The following SLC12A6 variants were observed in gnomAD, a reference collection of about 807,000 sequenced individuals.
The protein encoded by SLC12A6 is solute carrier family 12 member 6.
SLC12A6 carries 66 observed loss-of-function variants against 135.3 expected under a neutral mutation model. That is an observed-to-expected ratio of 0.49 (90% confidence interval 0.40 to 0.60). The LOEUF is 0.60. Ranked by LOEUF, SLC12A6 falls within the 20% of genes least tolerant of loss-of-function variation. SLC12A6 has a pLI of 0.00. For synonymous variants in SLC12A6, 513 were observed against 508.8 expected, an observed-to-expected ratio of 1.01 and a Z score of -0.11; for missense variants, 1,058 against 1,452.3, an observed-to-expected ratio of 0.73 and a Z score of 4.41.
chr15:34,332,748 A>G (rs1005182835), intron 2 of SLC12A6, among the ~76,000 whole-genome samples: 1 of 151,618 alleles, frequency 6.6e-6, no homozygotes, highest in Non-Finnish European at 1.5e-5. Context: ...GCGCCACTGC[A>G]CTCCAGCCTG....
At chr15:34,315,208 A>C (rs2141098491) in intron 2 of SLC12A6, among the ~76,000 whole-genome samples, 1 of 152,362 alleles carries the variant, frequency 6.6e-6, no homozygotes, top group East Asian at 1.9e-4. Flanking sequence ...TATGCTATCA[A>C]ACAACGTTGC....
intron 2 of SLC12A6, among the ~76,000 whole-genome samples, chr15:34,335,000 T>G (rs150122328): frequency 3.3e-5 from 5 of 152,292 alleles, no homozygotes; most frequent in African/African-American, 7.2e-5. Flanking sequence ...AATTACCTAA[T>G]GATAATTACA....
intron 3 of SLC12A6, among the ~76,000 whole-genome samples, chr15:34,265,447 A>T (rs1893443831): frequency 6.6e-6 from 1 of 152,000 alleles, no homozygotes; most frequent in Non-Finnish European, 1.5e-5. Context: ...AAACAAAAAA[A>T]CCCAAAAAGA....
At chr15:34,235,142 G>T in intron 25 of SLC12A6, 39 bp downstream of exon 25, 2 of 1,590,072 alleles carry the variant, frequency 1.3e-6, no homozygotes, top group Non-Finnish European at 8.6e-7. Flanking sequence ...AGGTTAAGGA[G>T]ATTTTCCCTA....
At chr15:34,302,450 C>G (rs561167115) in intron 2 of SLC12A6, among the ~76,000 whole-genome samples, 18 of 152,076 alleles carry the variant, frequency 1.2e-4, no homozygotes, top group African/African-American at 4.1e-4. Context: ...AATCCTGACA[C>G]TTTGGGAGGC....
intron 15 of SLC12A6, among the ~76,000 whole-genome samples, chr15:34,244,338 A>G (rs1302369371): frequency 1.3e-5 from 2 of 152,154 alleles, no homozygotes; most frequent in Non-Finnish European, 2.9e-5. Context: ...TTCACTTACC[A>G]AGTCCTATGG....
intron 2 of SLC12A6, among the ~76,000 whole-genome samples, chr15:34,289,400 G>C (rs951307612): frequency 1.3e-5 from 2 of 151,968 alleles, no homozygotes; most frequent in African/African-American, 4.8e-5. Context: ...ATTTTATTGA[G>C]GATTTTTGCA....
At chr15:34,266,406 G>GT (rs1225948494) in intron 3 of SLC12A6, among the ~76,000 whole-genome samples, 8 of 151,864 alleles carry the variant, frequency 5.3e-5, no homozygotes, top group Admixed American at 5.2e-4. Context: ...ATAACAAAAG[G>GT]TTTAATCCAC....
intron 2 of SLC12A6, among the ~76,000 whole-genome samples, chr15:34,309,103 C>A (rs577723829): frequency 6.6e-6 from 1 of 152,262 alleles, no homozygotes; most frequent in Non-Finnish European, 1.5e-5. Flanking sequence ...CTGGTTTGAA[C>A]ACTGGCTCTG....
intron 2 of SLC12A6, among the ~76,000 whole-genome samples, chr15:34,310,769 AGT>A (rs570488711): frequency 0.13 from 3,241 of 25,260 alleles, 451 homozygotes; most frequent in Non-Finnish European, 0.15. Flanking sequence ...CCTGGGCTCA[AGT>A]GTGTGTGTGT....
At chr15:34,334,778 CCCCATTTTTACCCCTGTAGT>C (rs1187180956) in intron 2 of SLC12A6, among the ~76,000 whole-genome samples, 6 of 152,220 alleles carry the variant, frequency 3.9e-5, no homozygotes, top group African/African-American at 1.2e-4. Flanking sequence ...TTAGATATGT[CCCCATTTTTACCCCTGTAGT>C]CCCATTTTTA....
chr15:34,316,957 G>A (rs1251399951), intron 2 of SLC12A6, among the ~76,000 whole-genome samples: 1 of 152,148 alleles, frequency 6.6e-6, no homozygotes, highest in Non-Finnish European at 1.5e-5. Context: ...CTGTAAGGGT[G>A]GAAAACATAA....
chr15:34,252,388 A>C lies in SLC12A6; in HGVS notation c.1119-4T>G. On this transcript the variant is annotated splice_polypyrimidine_tract_variant and splice_region_variant and intron_variant, in intron 9 of 25. Coordinates refer to ENST00000354181, the MANE Select transcript of SLC12A6 (RefSeq NM_001365088.1). ...GCGGTTACCCAGCATGCAGACCCTA[A>C]GTGAAAAGAAATAGGGAGAAAGATC... The C allele has an allele frequency of 1.9e-6, 3 of 1,562,554 alleles. No homozygotes were observed. Among genetic ancestry groups the C allele is most frequent in the Non-Finnish European group, 2.6e-6 (3 of 1,133,056 alleles).
At position 34,240,899 on chromosome 15, in the gene SLC12A6, C is replaced by T. The variant is rs528364943; in HGVS notation, c.2268-70G>A. ...TGGGTTTGGGGAACAGAATGACAGA[C>T]TCCACCCTTTAATTCAGGAGATCTG... On this transcript the variant is annotated intron_variant, in intron 18 of 25. Transcript: ENST00000354181. The T allele has an allele frequency of 4.3e-6, 5 of 1,175,018 alleles. No individual in the cohort carries two copies. In the South Asian group the frequency reaches 5.2e-5, roughly 12 times the overall value. The allele number at this position is 1,175,018 out of a possible 1,614,324, so 72.8% of individuals were successfully genotyped here.
chr15:34,273,917 C>G lies in SLC12A6; in HGVS notation c.316+1428G>C, dbSNP rs184508110. ...TTATTATAGAGAGTCAAGCATTACT[C>G]CATACTGGTGAGAGTTTAAGCTGAT... On this transcript the variant is annotated intron_variant, in intron 3 of 25. Coordinates refer to ENST00000354181, the MANE Select transcript of SLC12A6 (RefSeq NM_001365088.1). Among the ~76,000 whole-genome samples, 73 of 151,928 alleles carry G rather than the reference C, an allele frequency of 4.8e-4. 1 individual carries two copies. In the East Asian group the frequency reaches 0.012, roughly 25 times the overall value.
intron 4 of SLC12A6, among the ~76,000 whole-genome samples, chr15:34,259,686 T>C (rs1375782495): frequency 6.6e-6 from 1 of 152,194 alleles, no homozygotes; most frequent in African/African-American, 2.4e-5. Flanking sequence ...ACTTGCATCA[T>C]TGTCAAAGGC....
chr15:34,280,669 G>A (rs1290948181), intron 2 of SLC12A6, among the ~76,000 whole-genome samples: 1 of 152,114 alleles, frequency 6.6e-6, no homozygotes, highest in African/African-American at 2.4e-5. Context: ...TCCCACCACT[G>A]AGCATTTATA....
intron 2 of SLC12A6, among the ~76,000 whole-genome samples, chr15:34,334,408 C>T (rs1890067314): frequency 1.3e-5 from 2 of 152,040 alleles, no homozygotes; most frequent in South Asian, 4.1e-4. Context: ...CTTTTCTTCA[C>T]AACAGCACCC....
Position 34,230,833 on chromosome 15 carries a change from TTG to T in SLC12A6, c.*3046_*3047del, listed in dbSNP as rs1890875552. On this transcript the variant is annotated 3_prime_UTR_variant, in exon 26 of 26. Coordinates refer to ENST00000354181, the MANE Select transcript of SLC12A6 (RefSeq NM_001365088.1). ...ACCAGTTTTCCATGTAACAGTGATT[TTG>T]TGTTTCGGGCTGAAGCAGTGGTTAT... 1 of 151,900 alleles carries T rather than the reference TTG, an allele frequency of 6.6e-6. No individual in the cohort carries two copies. The highest frequency in any genetic ancestry group is 1.9e-4 in the East Asian group (1 of 5,204). The allele number at this position is 151,900 out of a possible 1,614,324, so 9.4% of individuals were successfully genotyped here.
Sources: allele counts gnomAD v4.1 joint callset (sites outside exome capture counted in the v4.1 genomes callset), GRCh38; gene constraint gnomAD v4.1.1; transcripts MANE v1.5; gene names NCBI Gene and HGNC (gene_info 2026-07-23, HGNC 2026-07-21).